Variants in AGBL4 observed in about 807,000 individuals in gnomAD.
AGBL4 encodes AGBL carboxypeptidase 4.
AGBL4 carries 58 observed loss-of-function variants against 66.4 expected under a neutral mutation model. The ratio of observed to expected loss-of-function variants is 0.87; its 90% confidence interval spans 0.71 to 1.09. The LOEUF (loss-of-function observed/expected upper bound fraction) is 1.09. Among genes scored for constraint, AGBL4 ranks in the 50% least tolerant of loss-of-function variants. AGBL4 has a pLI of 0.00. For synonymous variants in AGBL4, 234 were observed against 222.9 expected (o/e 1.05, Z -0.44); for missense variants, 579 against 631.0 (o/e 0.92, Z 0.88).
chr1:49,747,724 G>C (rs193239890), intron 2 of AGBL4, among the ~76,000 whole-genome samples: 106 of 152,016 alleles, frequency 7.0e-4, no homozygotes, highest in East Asian at 4.5e-3. Flanking sequence ...CAACTAAATT[G>C]GAAACTTACT....
At chr1:49,071,991 T>C (rs928541453) in intron 4 of AGBL4, among the ~76,000 whole-genome samples, 12 of 152,342 alleles carry the variant, frequency 7.9e-5, no homozygotes, top group African/African-American at 2.9e-4. Flanking sequence ...CCCTTTACCA[T>C]TATGTAATGG....
intron 4 of AGBL4, among the ~76,000 whole-genome samples, chr1:49,107,685 G>A (rs1645319417): frequency 8.9e-6 from 1 of 111,800 alleles, no homozygotes; most frequent in South Asian, 2.9e-4. Context: ...GTGTGTGTGT[G>A]TGTGTGTGTG....
At chr1:48,547,594 T>C (rs1644185037) in intron 11 of AGBL4, among the ~76,000 whole-genome samples, 1 of 152,126 alleles carries the variant, frequency 6.6e-6, no homozygotes, top group Admixed American at 6.5e-5. Context: ...GAATCAGAAA[T>C]GGGAAAAAAT....
chr1:49,419,283 C>A (rs1645492724), intron 3 of AGBL4, among the ~76,000 whole-genome samples: 1 of 152,174 alleles, frequency 6.6e-6, no homozygotes, highest in South Asian at 2.1e-4. Flanking sequence ...AAAACAAGTT[C>A]TACCTTCAAG....
intron 3 of AGBL4, among the ~76,000 whole-genome samples, chr1:49,385,862 C>A (rs1357623705): frequency 6.6e-6 from 1 of 152,032 alleles, no homozygotes; most frequent in African/African-American, 2.4e-5. Flanking sequence ...GATAACTCTA[C>A]TTAGGCAAAA....
At chr1:48,869,530 CG>C (rs1558053323) in intron 5 of AGBL4, among the ~76,000 whole-genome samples, 1 of 152,122 alleles carries the variant, frequency 6.6e-6, no homozygotes, top group African/African-American at 2.4e-5. Flanking sequence ...TATTGCTAAA[CG>C]GCAACTCTGT....
At chr1:49,510,638 T>C (rs1284754174) in intron 3 of AGBL4, among the ~76,000 whole-genome samples, 1 of 151,360 alleles carries the variant, frequency 6.6e-6, no homozygotes, top group South Asian at 2.1e-4. Flanking sequence ...TTTTGGTGTT[T>C]TGGACATGAA....
intron 1 of AGBL4, among the ~76,000 whole-genome samples, chr1:49,902,796 A>T (rs549241742): frequency 6.6e-6 from 1 of 152,248 alleles, no homozygotes; most frequent in South Asian, 2.1e-4. Flanking sequence ...AAAAACCACA[A>T]AGAGATACCA....
chr1:49,283,586 A>T (rs9715352), intron 3 of AGBL4, among the ~76,000 whole-genome samples: 1 of 152,230 alleles, frequency 6.6e-6, no homozygotes, highest in Admixed American at 6.5e-5. Context: ...ACAGAAGGAA[A>T]TTCAAACCAA....
intron 3 of AGBL4, among the ~76,000 whole-genome samples, chr1:49,298,422 C>T (rs770490942): frequency 5.9e-5 from 9 of 152,318 alleles, no homozygotes; most frequent in African/African-American, 1.2e-4. Flanking sequence ...CTGGATTCTA[C>T]GCCCCAGTCA....
intron 5 of AGBL4, among the ~76,000 whole-genome samples, chr1:49,024,839 C>G (rs538473877): frequency 1.3e-5 from 2 of 152,074 alleles, no homozygotes; most frequent in Non-Finnish European, 2.9e-5. Context: ...TCACAGAAAC[C>G]CTTAAGCTAA....
At chr1:49,936,604 A>G (rs896633848) in intron 1 of AGBL4, among the ~76,000 whole-genome samples, 2 of 152,224 alleles carry the variant, frequency 1.3e-5, no homozygotes, top group African/African-American at 4.8e-5. Context: ...CGGGTTACCC[A>G]CAAAGGGAAG....
chr1:48,824,932 C>T (rs553193953), intron 6 of AGBL4, among the ~76,000 whole-genome samples: 2 of 152,322 alleles, frequency 1.3e-5, no homozygotes, highest in South Asian at 2.1e-4. Flanking sequence ...ATCTCTTAAC[C>T]TTACTGAGCC....
intron 4 of AGBL4, among the ~76,000 whole-genome samples, chr1:49,236,332 C>T (rs1258116546): frequency 1.3e-5 from 2 of 152,056 alleles, no homozygotes; most frequent in Non-Finnish European, 2.9e-5. Flanking sequence ...CCAGCTCATT[C>T]TTAAGGATTT....
intron 1 of AGBL4, among the ~76,000 whole-genome samples, chr1:49,921,104 G>A (rs901170339): frequency 1.4e-4 from 21 of 152,226 alleles, no homozygotes; most frequent in Admixed American, 9.8e-4. Flanking sequence ...GTGGGAGTAT[G>A]GGGGAGGGAC....
chr1:49,846,105 A>G (rs1372893618), intron 2 of AGBL4: 12 of 1,521,854 alleles, frequency 7.9e-6, no homozygotes, highest in South Asian at 4.5e-5. Context: ...CAGTGTAGCC[A>G]GAGCTCCCTT....
At chr1:48,956,219 A>G (rs778049935) in intron 5 of AGBL4, among the ~76,000 whole-genome samples, 2 of 152,214 alleles carry the variant, frequency 1.3e-5, no homozygotes, top group Non-Finnish European at 2.9e-5. Flanking sequence ...GACCCTACAC[A>G]TTGAATTTCT....
chr1:49,853,931 C>T (rs1166247004), intron 1 of AGBL4, among the ~76,000 whole-genome samples: 1 of 151,838 alleles, frequency 6.6e-6, no homozygotes, highest in East Asian at 1.9e-4. Flanking sequence ...GAAACGCCAA[C>T]AATAGTTCTT....
intron 3 of AGBL4, among the ~76,000 whole-genome samples, chr1:49,569,803 T>C (rs1487585864): frequency 2.0e-5 from 3 of 152,140 alleles, no homozygotes; most frequent in East Asian, 3.9e-4. Flanking sequence ...GTATACATTA[T>C]TTAGCTCTCA....
Sources: allele counts gnomAD v4.1 joint callset (sites outside exome capture counted in the v4.1 genomes callset), GRCh38; gene constraint gnomAD v4.1.1; transcripts MANE v1.5; gene names NCBI Gene and HGNC (gene_info 2026-07-23, HGNC 2026-07-21).